TRPV1: variants seen among roughly 807,000 people sequenced by gnomAD.
The protein encoded by TRPV1 is OTRPC1.
Under a neutral mutation model 82.3 loss-of-function variants are expected in TRPV1, and 82 were observed. That is an observed-to-expected ratio of 1.00 (90% CI 0.83 to 1.20). The LOEUF (loss-of-function observed/expected upper bound fraction) is 1.20, where lower values mean the gene tolerates loss of function less well. TRPV1 is among the 50% of genes most tolerant of loss of function. The pLI is 0.00. For missense variants in TRPV1, 1,067 were observed against 1,096.8 expected, an observed-to-expected ratio of 0.97 and a Z score of 0.38; for synonymous variants, 515 against 467.7, an observed-to-expected ratio of 1.10 and a Z score of -1.30.
Position 3,575,995 on chromosome 17 carries a change from C to T in TRPV1, c.1780+1131G>A, listed in dbSNP as rs1024650133. Among the ~76,000 whole-genome samples the T allele has an allele frequency of 3.3e-5, 5 of 151,516 alleles. 1 individual carries two copies. Among genetic ancestry groups the T allele is most frequent in the Admixed American group, 2.0e-4 (3 of 15,202 alleles). On this transcript the variant is annotated intron_variant, in intron 13 of 16. Transcript: ENST00000572705. ...CATCCTAGCACTTTGGGAGCCGAGG[C>T]GGGCAGATCACTTGAGGTCAGGAGC...
intron 2 of TRPV1, among the ~76,000 whole-genome samples, chr17:3,603,662 G>C (rs2150860071): frequency 6.6e-6 from 1 of 152,324 alleles, no homozygotes; most frequent in South Asian, 2.1e-4. Flanking sequence ...ATTTCAGCCT[G>C]AGGACCACAT....
intron 2 of TRPV1, among the ~76,000 whole-genome samples, chr17:3,606,326 C>G (rs2075296025): frequency 1.3e-5 from 2 of 152,208 alleles, no homozygotes; most frequent in Admixed American, 1.3e-4. Context: ...ACCACACTGT[C>G]CTCACTCAGG....
At chr17:3,587,405 G>A (rs1248495670) in intron 8 of TRPV1, among the ~76,000 whole-genome samples, 1 of 152,176 alleles carries the variant, frequency 6.6e-6, no homozygotes, top group African/African-American at 2.4e-5. Flanking sequence ...TTAGAAAGAA[G>A]GGACAGATAA....
intron 2 of TRPV1, among the ~76,000 whole-genome samples, chr17:3,604,564 C>T (rs1267903860): frequency 6.7e-6 from 1 of 148,532 alleles, no homozygotes; most frequent in African/African-American, 2.5e-5. Context: ...CACCACTGCA[C>T]TCTAGCCTGG....
intron 14 of TRPV1, 87 bp from the exon 15 acceptor site, chr17:3,572,336 G>C: frequency 6.7e-7 from 1 of 1,493,834 alleles, no homozygotes; most frequent in African/African-American, 1.4e-5. Flanking sequence ...AGCTCCCCAG[G>C]GGCTCTCCCA....
Position 3,577,706 on chromosome 17 carries a change from C to A in TRPV1, c.1605G>T (p.Lys535Asn). 1 of 1,589,728 alleles carries A rather than the reference C, an allele frequency of 6.3e-7. No individual in the cohort carries two copies. Among genetic ancestry groups the A allele is most frequent in the Non-Finnish European group, 8.6e-7 (1 of 1,168,636 alleles). Residue 535 changes from lysine (K) to asparagine (N), a missense_variant, in exon 12 of 17, where the codon AAG becomes AAT. Transcript: ENST00000572705. The stretch of plus-strand genomic sequence containing the variant: ...AGAATACCATGGAAGCCACATACTC[C>A]TTGAGGTGGCTGAAGTACAGCACCA... ...ATVVLYFSHLKEYVASMVFSL... is the reference protein window; with the variant it reads ...ATVVLYFSHLNEYVASMVFSL...
At chr17:3,592,932 C>G (rs161385) in intron 2 of TRPV1, 29,985 of 152,918 alleles carry the variant, frequency 0.2, 3,796 homozygotes, top group East Asian at 0.53. Context: ...TGCAACGGGT[C>G]CACACATCAT....
chr17:3,605,367 A>T (rs879249649), intron 2 of TRPV1, among the ~76,000 whole-genome samples: 1 of 152,076 alleles, frequency 6.6e-6, no homozygotes, highest in South Asian at 2.1e-4. Context: ...AAAATTAGCC[A>T]GGTGAGGTGG....
At chr17:3,567,384 AAAAAAAAG>A (rs1415075852) in intron 16 of TRPV1, among the ~76,000 whole-genome samples, 1 of 151,026 alleles carries the variant, frequency 6.6e-6, no homozygotes, top group Non-Finnish European at 1.5e-5. Context: ...AAAAAAAAAA[AAAAAAAAG>A]AAGAAGAAGA....
chr17:3,603,445 G>C (rs747182228), intron 2 of TRPV1, among the ~76,000 whole-genome samples: 2 of 152,196 alleles, frequency 1.3e-5, no homozygotes, highest in Admixed American at 6.5e-5. Flanking sequence ...GAAGAGGCCC[G>C]CGTGTGCTAG....
chr17:3,598,246 G>C (rs1449749385), intron 2 of TRPV1, among the ~76,000 whole-genome samples: 1 of 152,214 alleles, frequency 6.6e-6, no homozygotes, highest in East Asian at 1.9e-4. Context: ...GCCACTGCCA[G>C]GGAGGCCCTC....
chr17:3,596,049 G>A (rs527608480), intron 2 of TRPV1, among the ~76,000 whole-genome samples: 2 of 152,318 alleles, frequency 1.3e-5, no homozygotes, highest in South Asian at 2.1e-4. Flanking sequence ...TTAGGCAAAC[G>A]AGTGTTGGCT....
intron 7 of TRPV1, among the ~76,000 whole-genome samples, chr17:3,589,581 T>A (rs1189659288): frequency 6.6e-6 from 1 of 152,308 alleles, no homozygotes; most frequent in East Asian, 1.9e-4. Flanking sequence ...GTCTTGTTGC[T>A]GATACTCAGA....
At chr17:3,595,716 G>C (rs76294914) in intron 2 of TRPV1, 3 of 152,362 alleles carry the variant, frequency 2.0e-5, no homozygotes, top group African/African-American at 4.8e-5. Flanking sequence ...TGTCAGCGGC[G>C]TTGCCTTTTC....
intron 8 of TRPV1, among the ~76,000 whole-genome samples, chr17:3,587,215 G>A (rs1274772500): frequency 2.0e-5 from 3 of 152,182 alleles, no homozygotes; most frequent in Admixed American, 6.5e-5. Context: ...AGCACTCTGA[G>A]TTGGAGGCCC....
Position 3,583,362 on chromosome 17 carries a change from T to A in TRPV1, c.1452A>T (p.Gly484=), listed in dbSNP as rs1472718028. Residue 484 remains glycine, a synonymous_variant, in exon 10 of 17, where the codon GGA becomes GGT. Coordinates refer to ENST00000572705, the MANE Select transcript of TRPV1 (RefSeq NM_080704.4). ...RVTGEILSVL[G]GVYFFFRGIQ... is the part of the protein sequence containing the mutation. ...CCCCTCGGAAAAAGAAGTAGACTCC[T>A]CCTAACACAGACAGGATCTCTCCAG... The A allele has an allele frequency of 6.2e-7, 1 of 1,610,184 alleles. No individual in the cohort carries two copies. The highest frequency in any genetic ancestry group is 1.1e-5 in the South Asian group (1 of 90,028).
rs376726565 is a variant in TRPV1, at chr17:3,590,371, G to T, written c.626C>A (p.Ala209Asp). The change falls in exon 6 of 17, where the codon GCC (alanine) becomes GAC (aspartate). Residue 209 changes from alanine (A) to aspartate (D), a missense_variant. Coordinates refer to ENST00000572705, the MANE Select transcript of TRPV1 (RefSeq NM_080704.4). The stretch of plus-strand genomic sequence containing the variant: ...CAGGGCCATGTTGCGTCTCTCGATG[G>T]CGATGTGCAGTGCTGTCTGGCCTAC... ...YYKGQTALHI[A>D]IERRNMALVT... The T allele has an allele frequency of 1.2e-6, 2 of 1,613,844 alleles. No individual in the cohort carries two copies. The highest frequency in any genetic ancestry group is 1.7e-6 in the Non-Finnish European group (2 of 1,179,890).
chr17:3,567,400 AGAAG>A (rs1226554465), intron 16 of TRPV1, among the ~76,000 whole-genome samples: 63 of 150,436 alleles, frequency 4.2e-4, no homozygotes, highest in African/African-American at 1.5e-3. Context: ...AAGAAGAAGA[AGAAG>A]AAAGAAAGAA....
chr17:3,587,457 AC>A (rs1321740798), intron 8 of TRPV1, among the ~76,000 whole-genome samples: 1 of 152,180 alleles, frequency 6.6e-6, no homozygotes, highest in Admixed American at 6.5e-5. Context: ...ATTACTCACT[AC>A]GTAACACTAA....
Sources: gnomAD v4.1 joint callset for allele counts (sites outside exome capture counted in the v4.1 genomes callset) on GRCh38, gnomAD v4.1.1 for gene constraint, MANE v1.5 for transcripts, NCBI Gene and HGNC (gene_info 2026-07-23, HGNC 2026-07-21) for gene names.